Variants in RHOU observed in about 807,000 individuals in gnomAD.
The protein encoded by RHOU is ras homolog family member U, also known as rho-related GTP-binding protein RhoU.
In RHOU, 8 loss-of-function variants were observed where a neutral mutation model predicts 12.6. The ratio of observed to expected loss-of-function variants is 0.64; its 90% CI spans 0.37 to 1.15. RHOU has a LOEUF of 1.15. Among genes scored for constraint, RHOU ranks in the 50% most tolerant of loss-of-function variants. The probability of loss-of-function intolerance (pLI) is 0.01; values close to 1 mark genes in which losing one functional copy is unlikely to be tolerated. For synonymous variants in RHOU, 161 were observed against 147.4 expected (o/e 1.09, Z -0.67); for missense variants, 258 against 347.0 (o/e 0.74, Z 2.04).
the RHOU span, among the ~76,000 whole-genome samples, chr1:228,690,315 AGTTT>A: frequency 1.3e-5 from 2 of 151,734 alleles, no homozygotes; most frequent in South Asian, 2.1e-4. Flanking sequence ...GCTGAAGATT[AGTTT>A]GTTTGTTTTT....
chr1:228,676,569 G>A, the RHOU span, among the ~76,000 whole-genome samples: 7 of 152,136 alleles, frequency 4.6e-5, 1 homozygote, highest in South Asian at 4.1e-4. Context: ...TGTCACACAC[G>A]TCCATGTGAG....
chr1:228,718,005 G>T, the RHOU span, among the ~76,000 whole-genome samples: 1 of 152,202 alleles, frequency 6.6e-6, no homozygotes, highest in Non-Finnish European at 1.5e-5. Context: ...GACCTCCTTT[G>T]AGAACATTAT....
the RHOU span, among the ~76,000 whole-genome samples, chr1:228,707,543 G>A: frequency 6.6e-6 from 1 of 151,600 alleles, no homozygotes; most frequent in Non-Finnish European, 1.5e-5. Context: ...CCCCAGCAGG[G>A]GCAGACTGAC....
At chr1:228,684,038 G>C in the RHOU span, among the ~76,000 whole-genome samples, 92 of 152,240 alleles carry the variant, frequency 6.0e-4, no homozygotes, top group African/African-American at 2.0e-3. Context: ...GTTTTTGTTT[G>C]TTTCTTTCTT....
chr1:228,663,615 C>CTTTTTTTTTT, the RHOU span, among the ~76,000 whole-genome samples: 1 of 86,708 alleles, frequency 1.2e-5, no homozygotes, highest in Non-Finnish European at 2.2e-5. Context: ...CTTTTCTTTT[C>CTTTTTTTTTT]TTTTCTTTTC....
chr1:228,648,330 T>C, the RHOU span, among the ~76,000 whole-genome samples: 1 of 152,160 alleles, frequency 6.6e-6, no homozygotes, highest in African/African-American at 2.4e-5. Context: ...CTGCCCAAGC[T>C]CTGGGATCTC....
the RHOU span, among the ~76,000 whole-genome samples, chr1:228,686,387 T>C: frequency 6.6e-6 from 1 of 152,184 alleles, no homozygotes; most frequent in South Asian, 2.1e-4. Context: ...TGAATATAAT[T>C]AATGCCATTG....
Position 228,737,153 on chromosome 1 carries a change from G to C in RHOU, c.263-520G>C, listed in dbSNP as rs1261295651. Among the ~76,000 whole-genome samples the C allele has an allele frequency of 6.6e-6, 1 of 152,190 alleles. No individual in the cohort carries two copies. The highest frequency in any genetic ancestry group is 1.5e-5 in the Non-Finnish European group (1 of 68,030). On this transcript the variant is annotated intron_variant, in intron 1 of 2. Coordinates refer to ENST00000366691, the MANE Select transcript of RHOU (RefSeq NM_021205.6). The surrounding 1 kb of genome is among the most constrained non-coding windows in gnomAD (Gnocchi z 4.1). ...TTAATCCTCCTTTTGACCTGACATA[G>C]AGATAAGGAGTGCCCTCATTTCTTA...
chr1:228,696,244 A>C, the RHOU span, among the ~76,000 whole-genome samples: 1 of 151,094 alleles, frequency 6.6e-6, no homozygotes, highest in Admixed American at 6.6e-5. Context: ...AAAAAAAAAA[A>C]CAAAACGAAG....
At chr1:228,735,305 G>A (rs1219075259), upstream of RHOU, 1 of 152,214 alleles carries the variant, frequency 6.6e-6, no homozygotes, top group African/African-American at 2.4e-5. This position sits in a 1 kb window ranked among gnomAD's most constrained non-coding sequence, Gnocchi z 8.1. Context: ...GTCCCCGCCT[G>A]GTCGCGGCGG....
chr1:228,674,824 G>T, the RHOU span, among the ~76,000 whole-genome samples: 3 of 151,732 alleles, frequency 2.0e-5, no homozygotes, highest in Non-Finnish European at 4.4e-5. Flanking sequence ...TCCGCCTCTC[G>T]GGTTCACGCC....
At chr1:228,729,213 AT>A in the RHOU span, among the ~76,000 whole-genome samples, 2 of 152,034 alleles carry the variant, frequency 1.3e-5, no homozygotes, top group Non-Finnish European at 2.9e-5. Flanking sequence ...CCATTTCTAA[AT>A]TTTATATAAA....
At chr1:228,646,556 A>G in the RHOU span, among the ~76,000 whole-genome samples, 1 of 124,018 alleles carries the variant, frequency 8.1e-6, no homozygotes, top group Admixed American at 8.5e-5. Context: ...CGCCCCCACC[A>G]CGGTCGCTTG....
At chr1:228,677,475 C>G in the RHOU span, among the ~76,000 whole-genome samples, 2 of 152,032 alleles carry the variant, frequency 1.3e-5, no homozygotes, top group Middle Eastern at 3.2e-3. Context: ...AAAAACAACA[C>G]TCTTCATTTA....
At chr1:228,655,405 C>T in the RHOU span, among the ~76,000 whole-genome samples, 2 of 152,080 alleles carry the variant, frequency 1.3e-5, no homozygotes, top group Admixed American at 1.3e-4. Flanking sequence ...CCTGGCCTAA[C>T]CTTGCTTTGT....
the RHOU span, among the ~76,000 whole-genome samples, chr1:228,683,103 G>GCAACCT: frequency 0.011 from 1,613 of 152,202 alleles, 28 homozygotes; most frequent in African/African-American, 0.037. Flanking sequence ...AGAAGAAATT[G>GCAACCT]CCACCCTTGG....
chr1:228,702,009 A>G, the RHOU span, among the ~76,000 whole-genome samples: 1 of 152,034 alleles, frequency 6.6e-6, no homozygotes, highest in Non-Finnish European at 1.5e-5. Context: ...TTTTACAAAG[A>G]TATGTTTGCT....
At chr1:228,646,800 G>A in the RHOU span, among the ~76,000 whole-genome samples, 10 of 151,994 alleles carry the variant, frequency 6.6e-5, no homozygotes, top group African/African-American at 2.4e-4. Flanking sequence ...GTGCGCAGAC[G>A]CACGCACACA....
the RHOU span, among the ~76,000 whole-genome samples, chr1:228,668,244 T>C: frequency 0.031 from 4,789 of 152,312 alleles, 258 homozygotes; most frequent in African/African-American, 0.11. Context: ...TGTATATACC[T>C]TTGCACATGG....
Sources: allele counts gnomAD v4.1 joint callset (sites outside exome capture counted in the v4.1 genomes callset), GRCh38; gene constraint gnomAD v4.1.1; non-coding constraint Gnocchi (gnomAD v3.1); transcripts MANE v1.5; gene names NCBI Gene and HGNC (gene_info 2026-07-23, HGNC 2026-07-21).